Variants in NAP1L4 observed in about 807,000 individuals in gnomAD.
The protein encoded by NAP1L4 is nucleosome assembly protein 1 like 4.
NAP1L4 carries 15 observed loss-of-function variants against 58.2 expected under a neutral mutation model. The observed-to-expected ratio is 0.26, with a 90% CI of 0.17 to 0.40. The LOEUF is 0.40. Ranked by LOEUF, NAP1L4 falls within the 10% of genes least tolerant of loss-of-function variation. The pLI, the probability that NAP1L4 is intolerant of heterozygous loss-of-function variation, is 1.00. For missense variants in NAP1L4, 384 were observed against 451.1 expected (o/e 0.85, Z 1.35); for synonymous variants, 171 against 155.6 (o/e 1.10, Z -0.74).
intron 6 of NAP1L4, among the ~76,000 whole-genome samples, chr11:2,970,938 T>A (rs1446049123): frequency 4.0e-5 from 6 of 151,262 alleles, no homozygotes; most frequent in Non-Finnish European, 8.8e-5. Flanking sequence ...ACAAAGTTAA[T>A]CCATGGTACA....
chr11:2,991,372 T>C (rs944269389), intron 1 of NAP1L4: 1 of 263,240 alleles, frequency 3.8e-6, no homozygotes, highest in Non-Finnish European at 8.0e-6. Flanking sequence ...AAAATACAAA[T>C]GTGACCTCTT....
intron 1 of NAP1L4, among the ~76,000 whole-genome samples, chr11:2,984,700 G>A (rs1848524127): frequency 6.6e-6 from 1 of 152,134 alleles, no homozygotes. Flanking sequence ...ATGCTCTTCT[G>A]CATAACCTTC....
chr11:2,979,325 T>C lies in NAP1L4; in HGVS notation c.-17-88A>G, dbSNP rs1848163117. 4 of 1,115,516 alleles carry C rather than the reference T, an allele frequency of 3.6e-6. No homozygotes were observed. The South Asian group carries it at 5.6e-5, about 16-fold the overall frequency. 69.1% of individuals were successfully genotyped at this position (1,115,516 alleles called of 1,614,324 possible). On this transcript the variant is annotated intron_variant, in intron 1 of 15. Transcript: ENST00000380542. ...TTTTAAACAACGGTTATCTGTGGGA[T>C]GGAGTCCACTAGAAGGGACAGGAGG... is the stretch of plus-strand genomic sequence containing the variant.
Position 2,945,645 on chromosome 11 carries a change from T to G in NAP1L4, c.*34A>C. On this transcript the variant is annotated splice_region_variant and 3_prime_UTR_variant, in exon 16 of 16. Transcript: ENST00000380542. The stretch of plus-strand genomic sequence containing the variant: ...GCATTCCGCCGGCTGGCTGGGTTCC[T>G]TCTGTCAATGAAAAAGACAAGGCTT... 1 of 1,535,980 alleles carries G rather than the reference T, an allele frequency of 6.5e-7. No individual in the cohort carries two copies. The highest frequency in any genetic ancestry group is 1.7e-4 in the Middle Eastern group (1 of 5,986).
chr11:2,960,045 T>C (rs1203688973), intron 8 of NAP1L4, 136 bp from the exon 9 acceptor site: 1 of 867,814 alleles, frequency 1.2e-6, no homozygotes, highest in African/African-American at 1.7e-5. Context: ...GAAAAACTTC[T>C]CCACCGCAAA....
At chr11:2,977,478 AG>A (rs1461051163) in intron 3 of NAP1L4, among the ~76,000 whole-genome samples, 2 of 152,346 alleles carry the variant, frequency 1.3e-5, no homozygotes, top group East Asian at 3.9e-4. Context: ...ATAAGACAAC[AG>A]TGGCCCAGAG....
intron 7 of NAP1L4, among the ~76,000 whole-genome samples, chr11:2,968,681 G>A (rs996537737): frequency 3.3e-5 from 5 of 152,190 alleles, no homozygotes; most frequent in Non-Finnish European, 5.9e-5. Flanking sequence ...AGTTTGCAAC[G>A]CACAGTGCCT....
intron 4 of NAP1L4, among the ~76,000 whole-genome samples, chr11:2,974,492 T>C (rs1847835124): frequency 6.6e-6 from 1 of 152,004 alleles, no homozygotes; most frequent in African/African-American, 2.4e-5. Context: ...CCACTCCCAC[T>C]CAGTATCACC....
At chr11:2,984,338 C>T (rs1453155663) in intron 1 of NAP1L4, among the ~76,000 whole-genome samples, 3 of 151,974 alleles carry the variant, frequency 2.0e-5, no homozygotes, top group Admixed American at 6.6e-5. Context: ...TTTGGGAGGC[C>T]GAGGCGAGCG....
intron 8 of NAP1L4, 107 bp from the exon 9 acceptor site, chr11:2,960,016 C>T: frequency 1.7e-6 from 2 of 1,161,844 alleles, no homozygotes; most frequent in Non-Finnish European, 2.4e-6. Flanking sequence ...GAAAGCTCAA[C>T]AGATAGGGCC....
At chr11:2,974,315 C>T (rs901855909) in intron 4 of NAP1L4, among the ~76,000 whole-genome samples, 2 of 152,134 alleles carry the variant, frequency 1.3e-5, no homozygotes, top group South Asian at 2.1e-4. Context: ...ACACCAACTA[C>T]ACCCAGCCCT....
intron 8 of NAP1L4, 111 bp downstream of exon 8, chr11:2,964,569 A>G (rs574303134): frequency 1.1e-5 from 9 of 815,856 alleles, no homozygotes; most frequent in South Asian, 6.4e-5. Context: ...TGCCCAGCAG[A>G]TGAGTGGCTG....
chr11:2,968,413 G>A (rs1847417152), intron 7 of NAP1L4, among the ~76,000 whole-genome samples: 1 of 151,932 alleles, frequency 6.6e-6, no homozygotes, highest in Non-Finnish European at 1.5e-5. Flanking sequence ...TAAAAGTATG[G>A]TCTAGTCTTC....
chr11:2,956,893 C>T (rs1846577706), intron 10 of NAP1L4, among the ~76,000 whole-genome samples: 2 of 152,182 alleles, frequency 1.3e-5, no homozygotes, highest in Non-Finnish European at 2.9e-5. Flanking sequence ...ATTCCGCAGC[C>T]ATCCTCAATT....
intron 12 of NAP1L4, among the ~76,000 whole-genome samples, chr11:2,953,314 G>A (rs901238710): frequency 1.3e-5 from 2 of 152,252 alleles, no homozygotes; most frequent in Admixed American, 1.3e-4. Flanking sequence ...ACTGACGGGT[G>A]TATGATCAAA....
chr11:2,966,654 T>C (rs1348713431), intron 7 of NAP1L4, among the ~76,000 whole-genome samples: 3 of 152,204 alleles, frequency 2.0e-5, no homozygotes, highest in East Asian at 1.9e-4. Context: ...CCAAAGGCAG[T>C]TGTGAAATGG....
rs185629430 is a variant in NAP1L4 at position 2,965,743 on chromosome 11, G to A, written c.535-992C>T. 3.3e-3 allele frequency among the ~76,000 whole-genome samples: 499 copies of A among 152,232 alleles called. 1 individual carries two copies. Among genetic ancestry groups the A allele is most frequent in the African/African-American group, 0.012 (478 of 41,542 alleles). The stretch of plus-strand genomic sequence containing the variant: ...GACGGGGTTTCACCGTGTTAGCCAG[G>A]ATGGTCTCGATCTCCTGACCTTGTG... On this transcript the variant is annotated intron_variant, in intron 7 of 15. Coordinates refer to ENST00000380542, the MANE Select transcript of NAP1L4 (RefSeq NM_005969.4).
chr11:2,960,071 G>C, intron 8 of NAP1L4, 162 bp from the exon 9 acceptor site: 1 of 715,904 alleles, frequency 1.4e-6, no homozygotes, highest in Non-Finnish European at 2.3e-6. Flanking sequence ...CTAGCGTGAG[G>C]TTAAAAAAAC....
At chr11:2,988,193 G>A (rs1052894099) in intron 1 of NAP1L4, 8 of 152,162 alleles carry the variant, frequency 5.3e-5, no homozygotes, top group African/African-American at 1.7e-4. Context: ...ATTTTACTTG[G>A]GGCGCAGCAG....
Sources: allele counts gnomAD v4.1 joint callset (sites outside exome capture counted in the v4.1 genomes callset), GRCh38; gene constraint gnomAD v4.1.1; transcripts MANE v1.5; gene names NCBI Gene and HGNC (gene_info 2026-07-23, HGNC 2026-07-21).